Variants in SPRED1 observed in about 807,000 individuals in gnomAD.
The protein encoded by SPRED1 is sprouty related EVH1 domain containing 1.
Under a neutral mutation model 52.3 loss-of-function variants are expected in SPRED1, and 18 were observed. The observed-to-expected ratio is 0.34, with a 90% CI of 0.24 to 0.51. SPRED1 has a LOEUF of 0.51. Ranked by LOEUF, SPRED1 falls within the 20% of genes least tolerant of loss-of-function variation. SPRED1 has a pLI of 0.97. For missense variants in SPRED1, 485 were observed against 551.0 expected, an observed-to-expected ratio of 0.88 and a Z score of 1.20; for synonymous variants, 155 against 179.7, an observed-to-expected ratio of 0.86 and a Z score of 1.10.
intron 1 of SPRED1, among the ~76,000 whole-genome samples, chr15:38,289,478 C>T (rs1406059674): frequency 6.6e-6 from 1 of 151,848 alleles, no homozygotes; most frequent in African/African-American, 2.4e-5. Context: ...CCAAAGATGG[C>T]CTTGCCCTAA....
chr15:38,315,471 C>T (rs1286144670), intron 2 of SPRED1, among the ~76,000 whole-genome samples: 1 of 151,950 alleles, frequency 6.6e-6, no homozygotes, highest in Non-Finnish European at 1.5e-5. Context: ...ATGCTTCTGG[C>T]ATGCAACACA....
chr15:38,293,393 C>T (rs114416885), intron 1 of SPRED1, among the ~76,000 whole-genome samples: 409 of 152,130 alleles, frequency 2.7e-3, no homozygotes, highest in African/African-American at 9.5e-3. Flanking sequence ...CCACCACACC[C>T]GGCTCCAAGA....
rs561100528 is a variant in SPRED1, at chr15:38,309,953, G to A, written c.207+10406G>A. On this transcript the variant is annotated intron_variant, in intron 2 of 6. Transcript: ENST00000299084. ...TCTCTATTTGTCCATCCCTCCACCA[G>A]TATCACACACTGTATTATTGTGGCT... 4.6e-5 allele frequency among the ~76,000 whole-genome samples: 7 copies of A among 152,174 alleles called. No homozygotes were observed. The South Asian group carries it at 1.5e-3, about 32-fold the overall frequency.
At chr15:38,266,535 G>A (rs528161939) in intron 1 of SPRED1, among the ~76,000 whole-genome samples, 5 of 152,148 alleles carry the variant, frequency 3.3e-5, no homozygotes, top group African/African-American at 9.6e-5. Flanking sequence ...CCAGCTACTC[G>A]GGAGTCTGAG....
chr15:38,320,943 G>C (rs1288562180), intron 2 of SPRED1, among the ~76,000 whole-genome samples: 1 of 152,120 alleles, frequency 6.6e-6, no homozygotes, highest in Non-Finnish European at 1.5e-5. Flanking sequence ...ATCCTATACT[G>C]GAAGGATTTT....
chr15:38,265,347 G>T (rs1894287346), intron 1 of SPRED1, among the ~76,000 whole-genome samples: 1 of 152,052 alleles, frequency 6.6e-6, no homozygotes, highest in African/African-American at 2.4e-5. Context: ...TTCTTCAGAA[G>T]GAAGGTACTA....
intron 5 of SPRED1, among the ~76,000 whole-genome samples, chr15:38,344,988 A>G (rs530816782): frequency 6.6e-6 from 1 of 152,334 alleles, no homozygotes; most frequent in Non-Finnish European, 1.5e-5. Flanking sequence ...CTATACATAC[A>G]GTAAAGAAAT....
chr15:38,322,160 A>C, intron 2 of SPRED1, 81 bp from the exon 3 acceptor site: 1 of 1,336,424 alleles, frequency 7.5e-7, no homozygotes, highest in Non-Finnish European at 1.1e-6. Context: ...ATAGCGTTGT[A>C]TCACCTCAGT....
chr15:38,324,032 T>C (rs894329773), intron 3 of SPRED1, among the ~76,000 whole-genome samples: 1 of 152,210 alleles, frequency 6.6e-6, no homozygotes, highest in African/African-American at 2.4e-5. Context: ...TCAGCTGCTA[T>C]ATAGACTTTC....
intron 1 of SPRED1, among the ~76,000 whole-genome samples, chr15:38,256,766 TAAAC>T (rs1894106083): frequency 6.6e-6 from 1 of 152,084 alleles, no homozygotes; most frequent in Non-Finnish European, 1.5e-5. Context: ...TAAGTGTAAA[TAAAC>T]ATATGTTCAC....
At chr15:38,257,431 A>G (rs532962205) in intron 1 of SPRED1, among the ~76,000 whole-genome samples, 5 of 152,212 alleles carry the variant, frequency 3.3e-5, no homozygotes, top group African/African-American at 1.2e-4. Flanking sequence ...AGTATGGGAA[A>G]AGTAAATTAT....
chr15:38,280,541 A>G (rs1894666032), intron 1 of SPRED1, among the ~76,000 whole-genome samples: 1 of 151,990 alleles, frequency 6.6e-6, no homozygotes, highest in African/African-American at 2.4e-5. Context: ...TTTTGTGGAG[A>G]TAATTATAAT....
intron 3 of SPRED1, 44 bp downstream of exon 3, chr15:38,322,453 T>C: frequency 6.3e-7 from 1 of 1,593,174 alleles, no homozygotes; most frequent in East Asian, 2.2e-5. Flanking sequence ...ATCGGTTATA[T>C]ATAGTAGAGG....
At chr15:38,307,580 C>T (rs1189553916) in intron 2 of SPRED1, among the ~76,000 whole-genome samples, 2 of 152,102 alleles carry the variant, frequency 1.3e-5, no homozygotes, top group African/African-American at 4.8e-5. Context: ...ATGTAGTCAC[C>T]ATGGATATTA....
At chr15:38,327,178 T>G (rs1316030810) in intron 4 of SPRED1, among the ~76,000 whole-genome samples, 1 of 152,190 alleles carries the variant, frequency 6.6e-6, no homozygotes, top group African/African-American at 2.4e-5. Context: ...TGCACCTGTT[T>G]AGAAGACAAC....
intron 5 of SPRED1, among the ~76,000 whole-genome samples, chr15:38,343,729 C>A (rs1481064236): frequency 6.6e-6 from 1 of 152,092 alleles, no homozygotes; most frequent in South Asian, 2.1e-4. Context: ...CCCAGGCTCC[C>A]TATAGCTTTA....
At chr15:38,266,679 A>T (rs1012683865) in intron 1 of SPRED1, among the ~76,000 whole-genome samples, 21 of 146,584 alleles carry the variant, frequency 1.4e-4, no homozygotes, top group African/African-American at 5.0e-4. Context: ...AACAAACAGG[A>T]TATTCTTCAA....
intron 1 of SPRED1, among the ~76,000 whole-genome samples, chr15:38,272,994 T>A (rs1894470804): frequency 6.6e-6 from 1 of 152,216 alleles, no homozygotes. Context: ...GTTTACTCTG[T>A]TGATAGTTTC....
rs1888495656 is a variant in SPRED1, at chr15:38,351,773, A to G, written c.*109A>G. 1 of 1,333,000 alleles carries G rather than the reference A, an allele frequency of 7.5e-7. No individual in the cohort carries two copies. The highest frequency in any genetic ancestry group is 2.5e-5 in the East Asian group (1 of 40,626). The allele number at this position is 1,333,000 out of a possible 1,614,324, so 82.6% of individuals were successfully genotyped here. ...TATGGAATCTTGCCTGGTATCATTG[A>G]GCCCACACATGGAGGAAGCAGAACT... On this transcript the variant is annotated 3_prime_UTR_variant, in exon 7 of 7. Transcript: ENST00000299084.
Sources: gnomAD v4.1 joint callset for allele counts (sites outside exome capture counted in the v4.1 genomes callset) on GRCh38, gnomAD v4.1.1 for gene constraint, MANE v1.5 for transcripts, NCBI Gene and HGNC (gene_info 2026-07-23, HGNC 2026-07-21) for gene names.